SLC10A2: variants seen among roughly 807,000 people sequenced by gnomAD.
SLC10A2 encodes the protein solute carrier family 10 member 2, also known as ileal sodium/bile acid cotransporter.
In SLC10A2, 34 loss-of-function variants were observed where a neutral mutation model predicts 27.1. The observed-to-expected ratio is 1.26, with a 90% CI of 0.96 to 1.67. The LOEUF (loss-of-function observed/expected upper bound fraction) is 1.67, where lower values mean the gene tolerates loss of function less well. Among genes scored for constraint, SLC10A2 ranks in the 40% most tolerant of loss-of-function variants. The pLI is 0.00. For missense variants in SLC10A2, 530 were observed against 444.4 expected, an observed-to-expected ratio of 1.19 and a Z score of -1.73; for synonymous variants, 205 against 174.0, an observed-to-expected ratio of 1.18 and a Z score of -1.40.
chr13:103,066,015 T>C lies in SLC10A2; in HGVS notation c.235A>G (p.Met79Val), dbSNP rs763041044. 1 of 1,613,950 alleles carries C rather than the reference T, an allele frequency of 6.2e-7. No homozygotes were observed. Among genetic ancestry groups the C allele is most frequent in the South Asian group, 1.1e-5 (1 of 91,086 alleles). Residue 79 changes from methionine to valine, a missense_variant, in exon 1 of 6, where the codon ATG (methionine) becomes GTG (valine). Met to Val is a conservative substitution (Grantham distance 21). Coordinates refer to ENST00000245312, the MANE Select transcript of SLC10A2 (RefSeq NM_000452.3). ...CVGFLCQFGIMPLTGFILSVA... is the reference protein window; with the variant it reads ...CVGFLCQFGIVPLTGFILSVA... ...GACAGGATGAATCCTGTGAGGGGCA[T>C]GATTCCAAACTGACAGAGGAAGCCA...
chr13:103,056,971 C>T (rs989928274), intron 2 of SLC10A2, among the ~76,000 whole-genome samples: 15 of 152,200 alleles, frequency 9.9e-5, no homozygotes, highest in Non-Finnish European at 1.8e-4. Flanking sequence ...TTCCCTCAAT[C>T]ACCCTAAATC....
rs200682819 is a variant in SLC10A2, at chr13:103,065,989, C to T, written c.261G>A (p.Ser87=). 7.0e-5 allele frequency: 113 copies of T among 1,613,990 alleles called. No individual in the cohort carries two copies. The Middle Eastern group carries it at 3.0e-3, about 42-fold the overall frequency. ...GIMPLTGFIL[S]VAFDILPLQA... ...GGAGCGGGAGGATGTCAAAGGCCAC[C>T]GACAGGATGAATCCTGTGAGGGGCA... The change falls in exon 1 of 6, where the codon TCG becomes TCA. Residue 87 remains serine (S), a synonymous_variant. Transcript: ENST00000245312.
intron 2 of SLC10A2, among the ~76,000 whole-genome samples, chr13:103,056,231 G>A (rs1875933870): frequency 6.6e-6 from 1 of 152,216 alleles, no homozygotes; most frequent in South Asian, 2.1e-4. Context: ...TTGTGGTACT[G>A]AGGAACAAGT....
intron 1 of SLC10A2, among the ~76,000 whole-genome samples, chr13:103,062,965 C>T (rs1375181877): frequency 6.6e-6 from 1 of 152,076 alleles, no homozygotes; most frequent in Non-Finnish European, 1.5e-5. Context: ...AGAGAGCAGA[C>T]AAAAAGGAGA....
intron 1 of SLC10A2, among the ~76,000 whole-genome samples, chr13:103,061,196 T>C (rs1359559684): frequency 1.3e-5 from 2 of 152,204 alleles, no homozygotes; most frequent in Non-Finnish European, 2.9e-5. Flanking sequence ...AGGCATGAAA[T>C]AGATGCTAAG....
In SLC10A2 at chr13:103,058,295, A is replaced by C; in HGVS notation, c.465T>G (p.Ser155=). ...TATCATAGGGAATTACGATGCTCCC[A>C]GAGTCGACCCACATTTTGGTATAGA... is the stretch of plus-strand genomic sequence containing the variant. ...LLIYTKMWVD[S]GSIVIPYDNI... is the part of the protein sequence containing the mutation. The change falls in exon 2 of 6, where the codon TCT becomes TCG. Residue 155 remains serine, a synonymous_variant. Transcript: ENST00000245312. The C allele has an allele frequency of 6.2e-7, 1 of 1,609,950 alleles. No individual in the cohort carries two copies. The highest frequency in any genetic ancestry group is 8.5e-7 in the Non-Finnish European group (1 of 1,176,248).
At position 103,052,722 on chromosome 13, in the gene SLC10A2, A is replaced by G. The variant is rs1356572127; in HGVS notation, c.497-14T>C. The G allele has an allele frequency of 6.7e-7, 1 of 1,485,980 alleles. No individual in the cohort carries two copies. The highest frequency in any genetic ancestry group is 9.4e-7 in the Non-Finnish European group (1 of 1,063,256). 92.0% of individuals were successfully genotyped at this position (1,485,980 alleles called of 1,614,324 possible). ...CCAGAGATGTACCTAAAGATGACAGAAGGGCAATGTGATCAGCAGAACAGG... is the reference window on the plus strand; with the variant it reads ...CCAGAGATGTACCTAAAGATGACAGGAGGGCAATGTGATCAGCAGAACAGG... On this transcript the variant is annotated splice_polypyrimidine_tract_variant and intron_variant, in intron 2 of 5. Coordinates refer to ENST00000245312, the MANE Select transcript of SLC10A2 (RefSeq NM_000452.3).
intron 2 of SLC10A2, among the ~76,000 whole-genome samples, chr13:103,056,588 T>A (rs1331860617): frequency 6.6e-6 from 1 of 152,106 alleles, no homozygotes; most frequent in Non-Finnish European, 1.5e-5. Context: ...AATTCCTCAC[T>A]CAGCAGACAG....
chr13:103,058,168 A>G (rs1354969622), intron 2 of SLC10A2, 96 bp downstream of exon 2: 7 of 816,136 alleles, frequency 8.6e-6, no homozygotes, highest in Non-Finnish European at 1.5e-5. Flanking sequence ...TACTAGGGCA[A>G]TAACGGTCAG....
intron 2 of SLC10A2, among the ~76,000 whole-genome samples, chr13:103,056,382 A>G (rs1875937050): frequency 6.6e-6 from 1 of 151,700 alleles, no homozygotes; most frequent in Non-Finnish European, 1.5e-5. Flanking sequence ...TCCTCCATTG[A>G]AGTGCTAATT....
intron 4 of SLC10A2, 55 bp downstream of exon 4, chr13:103,051,202 A>G: frequency 6.4e-7 from 1 of 1,568,984 alleles, no homozygotes; most frequent in Non-Finnish European, 8.8e-7. Context: ...CTAGCAAAGG[A>G]ATACAACAGA....
At chr13:103,061,438 G>A (rs143427939) in intron 1 of SLC10A2, among the ~76,000 whole-genome samples, 259 of 151,750 alleles carry the variant, frequency 1.7e-3, no homozygotes, top group African/African-American at 5.4e-3. Flanking sequence ...TTTCTAGAGT[G>A]TGGTGGGAAT....
At chr13:103,055,455 C>A (rs1212844150) in intron 2 of SLC10A2, among the ~76,000 whole-genome samples, 1 of 152,142 alleles carries the variant, frequency 6.6e-6, no homozygotes, top group African/African-American at 2.4e-5. Context: ...AGACTGTGGG[C>A]TATTCCAGCT....
chr13:103,047,325 T>A (rs555302346), intron 5 of SLC10A2, among the ~76,000 whole-genome samples: 1 of 152,122 alleles, frequency 6.6e-6, no homozygotes, highest in Non-Finnish European at 1.5e-5. Flanking sequence ...CTTCTAGTCA[T>A]ATATTATTTT....
intron 2 of SLC10A2, among the ~76,000 whole-genome samples, chr13:103,053,112 GTGTGTGTGTGTGTGTA>G (rs1875838014): frequency 7.1e-6 from 1 of 141,230 alleles, no homozygotes; most frequent in African/African-American, 2.9e-5. Flanking sequence ...GTGTGTGTGT[GTGTGTGTGTGTGTGTA>G]TGGCATACAA....
chr13:103,054,255 T>G (rs1017752632), intron 2 of SLC10A2, among the ~76,000 whole-genome samples: 2 of 152,170 alleles, frequency 1.3e-5, no homozygotes, highest in African/African-American at 2.4e-5. Flanking sequence ...CCCCTTCCCC[T>G]TCTGCCATGA....
chr13:103,046,329 G>T, intron 5 of SLC10A2, 69 bp from the exon 6 acceptor site: 2 of 1,275,870 alleles, frequency 1.6e-6, no homozygotes, highest in Non-Finnish European at 2.2e-6. Context: ...TTTGCATAGA[G>T]ATTATAACCT....
intron 3 of SLC10A2, 134 bp from the exon 4 acceptor site, chr13:103,051,566 C>T (rs1875783656): frequency 1.1e-6 from 1 of 942,342 alleles, no homozygotes; most frequent in Admixed American, 2.0e-5. Context: ...TCTATGTACT[C>T]CAAGCCAGGA....
chr13:103,048,259 C>T (rs546606950), intron 5 of SLC10A2, among the ~76,000 whole-genome samples: 77 of 151,868 alleles, frequency 5.1e-4, no homozygotes, highest in Non-Finnish European at 9.0e-4. Context: ...GTCATGGTGG[C>T]GGGCACCTGT....
Sources: allele counts gnomAD v4.1 joint callset (sites outside exome capture counted in the v4.1 genomes callset), GRCh38; gene constraint gnomAD v4.1.1; transcripts MANE v1.5; gene names NCBI Gene and HGNC (gene_info 2026-07-23, HGNC 2026-07-21).